ASIC2: variants seen among roughly 807,000 people sequenced by gnomAD.
The protein encoded by ASIC2 is acid sensing ion channel subunit 2.
In ASIC2, 25 loss-of-function variants were observed where a neutral mutation model predicts 57.3. The observed-to-expected ratio is 0.44, with a 90% CI of 0.32 to 0.61. The LOEUF is 0.61. ASIC2 is among the 20% of genes least tolerant of loss of function. The probability of loss-of-function intolerance (pLI) is 0.06; values close to 1 mark genes in which losing one functional copy is unlikely to be tolerated. For synonymous variants in ASIC2, 319 were observed against 307.5 expected (o/e 1.04, Z -0.39); for missense variants, 641 against 738.1 (o/e 0.87, Z 1.52).
At chr17:33,582,248 T>C (rs1904469352) in intron 1 of ASIC2, among the ~76,000 whole-genome samples, 1 of 152,242 alleles carries the variant, frequency 6.6e-6, no homozygotes, top group African/African-American at 2.4e-5. Context: ...GGGCAGAAAC[T>C]GGGTGTTATT....
chr17:33,156,486 G>A (rs1365846360), intron 1 of ASIC2, among the ~76,000 whole-genome samples: 1 of 152,034 alleles, frequency 6.6e-6, no homozygotes, highest in East Asian at 1.9e-4. Flanking sequence ...GGCTCGGTGT[G>A]GTGGCTCACA....
At chr17:34,043,357 T>C (rs1262268564) in intron 1 of ASIC2, among the ~76,000 whole-genome samples, 1 of 152,234 alleles carries the variant, frequency 6.6e-6, no homozygotes, top group Non-Finnish European at 1.5e-5. Flanking sequence ...CAGCATTGAT[T>C]GTGGCTAAAC....
chr17:33,091,874 G>A (rs4077500), intron 2 of ASIC2, among the ~76,000 whole-genome samples: 1 of 152,064 alleles, frequency 6.6e-6, no homozygotes, highest in Non-Finnish European at 1.5e-5. Flanking sequence ...GTAGGTGCCA[G>A]TTATGAAAGG....
intron 1 of ASIC2, among the ~76,000 whole-genome samples, chr17:33,831,309 G>A (rs1391570449): frequency 6.6e-6 from 1 of 151,892 alleles, no homozygotes; most frequent in African/African-American, 2.4e-5. Flanking sequence ...CCCCAGACAT[G>A]AGATTGAAAT....
intron 1 of ASIC2, among the ~76,000 whole-genome samples, chr17:33,158,811 A>G (rs1905083439): frequency 6.6e-6 from 1 of 152,232 alleles, no homozygotes; most frequent in South Asian, 2.1e-4. Context: ...AGCTTAATAT[A>G]GGGACAGGCA....
intron 1 of ASIC2, among the ~76,000 whole-genome samples, chr17:34,124,608 A>G (rs1911720615): frequency 6.6e-6 from 1 of 152,148 alleles, no homozygotes; most frequent in Non-Finnish European, 1.5e-5. Context: ...AAAAATAAAC[A>G]AACAACAACA....
chr17:33,450,804 C>A (rs896176499), intron 1 of ASIC2, among the ~76,000 whole-genome samples: 3 of 152,042 alleles, frequency 2.0e-5, no homozygotes, highest in African/African-American at 7.3e-5. Flanking sequence ...ATAATGTACC[C>A]CTCAGTCATC....
chr17:34,103,701 GT>G (rs1316031014), intron 1 of ASIC2, among the ~76,000 whole-genome samples: 1 of 151,900 alleles, frequency 6.6e-6, no homozygotes, highest in East Asian at 1.9e-4. Flanking sequence ...AGCACAATTT[GT>G]TGAAAATACT....
At chr17:33,159,209 T>C (rs1335289210) in intron 1 of ASIC2, among the ~76,000 whole-genome samples, 1 of 152,264 alleles carries the variant, frequency 6.6e-6, no homozygotes, top group Non-Finnish European at 1.5e-5. Flanking sequence ...TTTGGGCTTA[T>C]GATTTTTCAA....
At chr17:34,117,450 T>C (rs188810383) in intron 1 of ASIC2, among the ~76,000 whole-genome samples, 3 of 152,274 alleles carry the variant, frequency 2.0e-5, no homozygotes, top group Non-Finnish European at 4.4e-5. Context: ...GCAGAGAGAA[T>C]AGCCTGTGAA....
At chr17:34,143,025 A>C (rs1912314256) in intron 1 of ASIC2, 1 of 152,274 alleles carries the variant, frequency 6.6e-6, no homozygotes, top group Non-Finnish European at 1.5e-5. Flanking sequence ...TCCCAAGCAC[A>C]GAATCAGGGT....
chr17:33,977,348 G>A (rs554014013), intron 1 of ASIC2, among the ~76,000 whole-genome samples: 1 of 152,300 alleles, frequency 6.6e-6, no homozygotes, highest in South Asian at 2.1e-4. Context: ...CCACTTTCAG[G>A]GCACCTCTGC....
chr17:33,353,157 T>G (rs945256040), intron 1 of ASIC2, among the ~76,000 whole-genome samples: 1 of 152,184 alleles, frequency 6.6e-6, no homozygotes, highest in African/African-American at 2.4e-5. Flanking sequence ...ATCTCATTAA[T>G]TTGGCATTTT....
At chr17:33,023,567 A>G (rs1719831976) in intron 6 of ASIC2, among the ~76,000 whole-genome samples, 1 of 151,580 alleles carries the variant, frequency 6.6e-6, no homozygotes. Context: ...CTAACCCATC[A>G]TTCTCTCCTT....
intron 1 of ASIC2, among the ~76,000 whole-genome samples, chr17:33,288,393 G>C (rs914723098): frequency 3.5e-4 from 53 of 152,112 alleles, no homozygotes; most frequent in Non-Finnish European, 1.5e-4. Context: ...TGAGGAGCAG[G>C]GATTCAGCTG....
chr17:33,769,391 C>T (rs534905612), intron 1 of ASIC2, among the ~76,000 whole-genome samples: 1 of 152,252 alleles, frequency 6.6e-6, no homozygotes, highest in East Asian at 1.9e-4. Flanking sequence ...CTCAAATGCT[C>T]CCTCACACAA....
At chr17:34,113,744 G>A (rs1259193181) in intron 1 of ASIC2, among the ~76,000 whole-genome samples, 1 of 151,932 alleles carries the variant, frequency 6.6e-6, no homozygotes, top group Non-Finnish European at 1.5e-5. Flanking sequence ...GTGCAGTGGT[G>A]TGCACCTACA....
intron 1 of ASIC2, among the ~76,000 whole-genome samples, chr17:33,673,786 C>T (rs1010273496): frequency 3.3e-5 from 5 of 152,190 alleles, no homozygotes; most frequent in African/African-American, 1.2e-4. Context: ...CTCCCTGAAC[C>T]TACCTTACTG....
intron 1 of ASIC2, among the ~76,000 whole-genome samples, chr17:33,420,409 A>G (rs1911004556): frequency 6.6e-6 from 1 of 152,232 alleles, no homozygotes; most frequent in Non-Finnish European, 1.5e-5. Flanking sequence ...TGGTAGTGGA[A>G]TTTTAAGCCT....
Sources: allele counts gnomAD v4.1 joint callset (sites outside exome capture counted in the v4.1 genomes callset), GRCh38; gene constraint gnomAD v4.1.1; transcripts MANE v1.5; gene names NCBI Gene and HGNC (gene_info 2026-07-23, HGNC 2026-07-21).